Variants in F13B observed in about 807,000 individuals in gnomAD.
F13B encodes TGase.
A neutral mutation model predicts 79.8 loss-of-function variants in F13B; 58 were observed. The observed-to-expected ratio is 0.73, with a 90% confidence interval of 0.59 to 0.90. The LOEUF (loss-of-function observed/expected upper bound fraction) is 0.90, where lower values mean the gene tolerates loss of function less well. F13B is among the 40% of genes least tolerant of loss of function. F13B has a pLI of 0.00. For synonymous variants in F13B, 283 were observed against 260.3 expected (o/e 1.09, Z -0.84); for missense variants, 773 against 777.0 (o/e 0.99, Z 0.06).
Position 197,052,722 on chromosome 1 carries a change from T to C in F13B, c.1467A>G (p.Gly489=), listed in dbSNP as rs1210483752. The C allele has an allele frequency of 3.7e-6, 6 of 1,611,976 alleles. No homozygotes were observed. The highest frequency in any genetic ancestry group is 1.7e-5 in the Admixed American group (1 of 59,836). ...GDLIDFVCKQ[G]YDLSPLTPLS... ...ATGGGGTTAATGGAGATAAGTCATATCCCTGTTTACATACAAAATCTATTA... is the reference window on the plus strand; with the variant it reads ...ATGGGGTTAATGGAGATAAGTCATACCCCTGTTTACATACAAAATCTATTA... Residue 489 remains glycine, a synonymous_variant, in exon 9 of 12, where the codon GGA becomes GGG. Coordinates refer to ENST00000367412, the MANE Select transcript of F13B (RefSeq NM_001994.3).
chr1:197,043,036 G>T (rs1417767203), intron 10 of F13B, among the ~76,000 whole-genome samples: 1 of 151,946 alleles, frequency 6.6e-6, no homozygotes, highest in Non-Finnish European at 1.5e-5. Context: ...GATAGGAAGT[G>T]TAGAGATATG....
chr1:197,057,278 T>C lies in F13B; in HGVS notation c.985+8A>G, dbSNP rs769067366. Reference sequence around the variant, plus strand: ...ATTTTAGCAAAGCTTCTTCAAGGTGTTACTAACCAATGCATTTTGGAGGTT... The same window carrying C: ...ATTTTAGCAAAGCTTCTTCAAGGTGCTACTAACCAATGCATTTTGGAGGTT... On this transcript the variant is annotated splice_region_variant and intron_variant, in intron 6 of 11. Coordinates refer to ENST00000367412, the MANE Select transcript of F13B (RefSeq NM_001994.3). The C allele has an allele frequency of 2.5e-6, 4 of 1,613,934 alleles. No individual in the cohort carries two copies. The highest frequency in any genetic ancestry group is 3.4e-6 in the Non-Finnish European group (4 of 1,179,904).
intron 9 of F13B, among the ~76,000 whole-genome samples, chr1:197,051,540 C>T (rs551930124): frequency 6.6e-6 from 1 of 152,222 alleles, no homozygotes; most frequent in South Asian, 2.1e-4. Context: ...TTGTTGAGTG[C>T]TCACAAGAAG....
chr1:197,055,059 G>C (rs1478167924), intron 8 of F13B, among the ~76,000 whole-genome samples: 1 of 151,852 alleles, frequency 6.6e-6, no homozygotes, highest in African/African-American at 2.4e-5. Context: ...AGTATATATT[G>C]TAGAAGTATG....
chr1:197,062,019 T>C, intron 2 of F13B, 50 bp from the exon 3 acceptor site: 2 of 1,493,198 alleles, frequency 1.3e-6, no homozygotes, highest in Non-Finnish European at 1.8e-6. Context: ...AGCTTGTCTT[T>C]TACTAAATTG....
rs2125069034 is a variant in F13B, at chr1:197,058,048, A to G, written c.806-583T>C. Among the ~76,000 whole-genome samples the G allele has an allele frequency of 1.3e-5, 2 of 152,038 alleles. 1 individual carries two copies. Among genetic ancestry groups the G allele is most frequent in the South Asian group, 4.2e-4 (2 of 4,818 alleles). ...TCGGTTAAGCCGCACCCAGACCCCC[A>G]ACCTACACCCAATGGGAAATAATTT... On this transcript the variant is annotated intron_variant, in intron 5 of 11. Transcript: ENST00000367412.
At chr1:197,053,927 G>T (rs1196787623) in intron 8 of F13B, among the ~76,000 whole-genome samples, 3 of 152,064 alleles carry the variant, frequency 2.0e-5, no homozygotes, top group African/African-American at 7.2e-5. Flanking sequence ...AGAGTAAGGA[G>T]ACCAGAAAGA....
chr1:197,052,687 A>G lies in F13B; in HGVS notation c.1502T>C (p.Leu501Ser). 1 of 1,612,182 alleles carries G rather than the reference A, an allele frequency of 6.2e-7. No individual in the cohort carries two copies. The highest frequency in any genetic ancestry group is 8.5e-7 in the Non-Finnish European group (1 of 1,178,942). The change falls in exon 9 of 12, where the codon TTA becomes TCA. Residue 501 changes from leucine to serine, a missense_variant. Transcript: ENST00000367412. The part of the protein sequence containing the change: ...DLSPLTPLSE[L>S]SVQCNRGEVK... ...TTCTCCTCTGTTGCACTGCACAGAT[A>G]ATTCAGACAATGGGGTTAATGGAGA...
chr1:197,041,399 GA>G (rs1423477314), intron 10 of F13B, among the ~76,000 whole-genome samples: 2 of 151,974 alleles, frequency 1.3e-5, no homozygotes, highest in African/African-American at 2.4e-5. Flanking sequence ...AAACCTCTTC[GA>G]TTTTTTTTAC....
At chr1:197,055,966 G>C in intron 7 of F13B, 69 bp from the exon 8 acceptor site, 2 of 1,257,156 alleles carry the variant, frequency 1.6e-6, no homozygotes, top group Non-Finnish European at 1.1e-6. Flanking sequence ...TCATACTATA[G>C]TGTCTCGATA....
chr1:197,042,334 T>G (rs971036779), intron 10 of F13B, among the ~76,000 whole-genome samples: 2 of 152,192 alleles, frequency 1.3e-5, no homozygotes, highest in African/African-American at 2.4e-5. Context: ...AGATTTAAAT[T>G]AAAATAAATT....
Position 197,050,680 on chromosome 1 carries a change from T to A in F13B, c.1738+17A>T, listed in dbSNP as rs370527324. 18 of 1,609,304 alleles carry A rather than the reference T, an allele frequency of 1.1e-5. No homozygotes were observed. The highest frequency in any genetic ancestry group is 1.5e-5 in the Non-Finnish European group (18 of 1,176,298). ...ATATAGTTTTACTTTGTTAGAGGCA[T>A]ATTTAGTAGTACATACCTAAACACA... On this transcript the variant is annotated intron_variant, in intron 10 of 11. Transcript: ENST00000367412.
chr1:197,054,287 T>C (rs1233710325), intron 8 of F13B, among the ~76,000 whole-genome samples: 2 of 152,096 alleles, frequency 1.3e-5, no homozygotes, highest in Non-Finnish European at 2.9e-5. Flanking sequence ...CTAGTCTTTG[T>C]CCTTAGAGAT....
In F13B at chr1:197,060,407, C is replaced by T. The variant is rs753463044; in HGVS notation, c.764G>A (p.Cys255Tyr). 6.2e-7 allele frequency: 1 copy of T among 1,612,452 alleles called. No individual in the cohort carries two copies. Among genetic ancestry groups the T allele is most frequent in the East Asian group, 2.2e-5 (1 of 44,692 alleles). Residue 255 changes from cysteine to tyrosine, a missense_variant, in exon 5 of 12, where the codon TGC becomes TAC. Transcript: ENST00000367412. ...TTCTGGGTACCAACCAAAGTTATAG[C>T]ATTGAATTAAATCAGATCCACTTAG... ...YYLSGSDLIQ[C>Y]YNFGWYPESP...
intron 2 of F13B, among the ~76,000 whole-genome samples, chr1:197,062,360 C>T (rs1200665777): frequency 6.6e-6 from 1 of 152,082 alleles, no homozygotes; most frequent in Admixed American, 6.6e-5. Context: ...AATTAGATTA[C>T]CTTCTCACAA....
intron 9 of F13B, 78 bp from the exon 10 acceptor site, chr1:197,050,957 A>C: frequency 8.0e-7 from 1 of 1,247,644 alleles, no homozygotes; most frequent in South Asian, 1.2e-5. Context: ...ACAGAGACAG[A>C]GTCTCCCTCT....
chr1:197,040,915 C>A (rs1655016067), intron 10 of F13B, among the ~76,000 whole-genome samples, 180 bp from the exon 11 acceptor site: 1 of 151,722 alleles, frequency 6.6e-6, no homozygotes, highest in South Asian at 2.1e-4. Context: ...TCAAATCTCA[C>A]AGAAAACAGT....
Position 197,061,951 on chromosome 1 carries a change from T to C in F13B, c.284A>G (p.Asp95Gly). The change falls in exon 3 of 12, where the codon GAC (aspartate) becomes GGC (glycine). Residue 95 changes from aspartate (D) to glycine (G), a missense_variant. Transcript: ENST00000367412. ...PRCFKKCTKPDLSNGYISDVK... is the reference protein window; with the variant it reads ...PRCFKKCTKPGLSNGYISDVK... ...ATCAGAGATGTAACCATTACTCAGG[T>C]CAGGCTTAGTGCATTTTTCTATGGG... The C allele has an allele frequency of 6.2e-7, 1 of 1,612,400 alleles. No homozygotes were observed. Among genetic ancestry groups the C allele is most frequent in the Non-Finnish European group, 8.5e-7 (1 of 1,178,968 alleles).
At chr1:197,057,513 AT>A (rs1478136794) in intron 5 of F13B, 48 bp from the exon 6 acceptor site, 4 of 1,546,934 alleles carry the variant, frequency 2.6e-6, no homozygotes, top group African/African-American at 2.8e-5. Context: ...ATTACAAAAA[AT>A]AATAAAGATT....
Sources: allele counts gnomAD v4.1 joint callset (sites outside exome capture counted in the v4.1 genomes callset), GRCh38; gene constraint gnomAD v4.1.1; transcripts MANE v1.5; gene names NCBI Gene and HGNC (gene_info 2026-07-23, HGNC 2026-07-21).